ROR2: variants seen among roughly 807,000 people sequenced by gnomAD.
The protein encoded by ROR2 is ROR family WNT receptor 2, also known as tyrosine-protein kinase transmembrane receptor ROR2.
Under a neutral mutation model 74.9 loss-of-function variants are expected in ROR2, and 33 were observed. The observed-to-expected ratio is 0.44, with a 90% CI of 0.33 to 0.59. The LOEUF (loss-of-function observed/expected upper bound fraction) is 0.59, where lower values mean the gene tolerates loss of function less well. ROR2 is among the 20% of genes least tolerant of loss of function. ROR2 has a pLI of 0.02. For missense variants in ROR2, 1,216 were observed against 1,313.8 expected, an observed-to-expected ratio of 0.93 and a Z score of 1.15; for synonymous variants, 586 against 558.7, an observed-to-expected ratio of 1.05 and a Z score of -0.69.
chr9:91,726,899 A>G (rs1259987501), intron 7 of ROR2, among the ~76,000 whole-genome samples, 156 bp from the exon 8 acceptor site: 1 of 152,182 alleles, frequency 6.6e-6, no homozygotes, highest in Non-Finnish European at 1.5e-5. Flanking sequence ...ACCACACCTT[A>G]AAAAACATGA....
At chr9:91,913,638 A>C (rs1170353837) in intron 1 of ROR2, among the ~76,000 whole-genome samples, 1 of 152,152 alleles carries the variant, frequency 6.6e-6, no homozygotes, top group Non-Finnish European at 1.5e-5. Context: ...TTCAACCTCT[A>C]ATGGATTTAC....
rs549465954 is a variant in ROR2, at chr9:91,882,529, A to AC, written c.97+67337dup. ...AATGCTGAACGAAAAAATATATACA[A>AC]CAAGCCTCCACTTATCAAAAGGTCA... On this transcript the variant is annotated intron_variant, in intron 1 of 8. Coordinates refer to ENST00000375708, the MANE Select transcript of ROR2 (RefSeq NM_004560.4). Among the ~76,000 whole-genome samples, 66 of 152,244 alleles carry AC rather than the reference A, an allele frequency of 4.3e-4. No homozygotes were observed. The South Asian group carries it at 0.014, about 32-fold the overall frequency.
chr9:91,863,420 C>G (rs1441486227), intron 1 of ROR2, among the ~76,000 whole-genome samples: 1 of 151,986 alleles, frequency 6.6e-6, no homozygotes. Flanking sequence ...GAGCATTATT[C>G]ATAATAGCCA....
chr9:91,742,964 G>A (rs1825297464), intron 4 of ROR2, among the ~76,000 whole-genome samples: 1 of 152,178 alleles, frequency 6.6e-6, no homozygotes, highest in Non-Finnish European at 1.5e-5. Flanking sequence ...ACAGTATTCA[G>A]TATAGTCATA....
Position 91,949,912 on chromosome 9 carries a change from C to A in ROR2, c.52G>T (p.Val18Phe). The A allele has an allele frequency of 3.2e-6, 5 of 1,539,444 alleles. No individual in the cohort carries two copies. Among genetic ancestry groups the A allele is most frequent in the Non-Finnish European group, 4.4e-6 (5 of 1,142,888 alleles). Reference sequence around the variant, plus strand: ...AGCAGAAGCGCGGCGGCCGCCCAGACGGCCGGGATGCACAGCAGCGGCCGC... The same window carrying A: ...AGCAGAAGCGCGGCGGCCGCCCAGAAGGCCGGGATGCACAGCAGCGGCCGC... ...PRRPLLCIPA[V>F]WAAAALLLSV... The change falls in exon 1 of 9, where the codon GTC becomes TTC. Residue 18 changes from valine (V) to phenylalanine (F), a missense_variant. Transcript: ENST00000375708.
intron 2 of ROR2, among the ~76,000 whole-genome samples, chr9:91,766,195 T>C (rs1016160772): frequency 5.3e-5 from 8 of 152,220 alleles, no homozygotes; most frequent in African/African-American, 1.4e-4. Flanking sequence ...ACACCACTTT[T>C]CACTGTTGGT....
chr9:91,740,609 A>G (rs548667956), intron 4 of ROR2, among the ~76,000 whole-genome samples: 40 of 151,712 alleles, frequency 2.6e-4, no homozygotes, highest in African/African-American at 9.0e-4. Context: ...TATCCCCAAA[A>G]AGCCAGATAG....
intron 4 of ROR2, among the ~76,000 whole-genome samples, chr9:91,743,115 G>GT (rs1170393407): frequency 6.6e-6 from 1 of 152,088 alleles, no homozygotes; most frequent in Non-Finnish European, 1.5e-5. Context: ...TTCTCACAAC[G>GT]TATCTCCACT....
intron 4 of ROR2, among the ~76,000 whole-genome samples, chr9:91,754,832 T>C (rs757029581): frequency 6.6e-6 from 1 of 152,214 alleles, no homozygotes; most frequent in Non-Finnish European, 1.5e-5. Context: ...TCCATCACTA[T>C]TGCTCAGCAC....
intron 2 of ROR2, 50 bp downstream of exon 2, chr9:91,775,691 A>G (rs200763089): frequency 6.9e-5 from 107 of 1,558,422 alleles, no homozygotes; most frequent in Admixed American, 3.3e-5. Context: ...GATGAGCCTC[A>G]GCACAGGGCA....
chr9:91,855,341 T>A (rs1829245339), intron 1 of ROR2, among the ~76,000 whole-genome samples: 1 of 152,204 alleles, frequency 6.6e-6, no homozygotes, highest in South Asian at 2.1e-4. Flanking sequence ...TGAGCGTGCA[T>A]GACAAGTGCT....
chr9:91,858,019 A>G (rs1800024530), intron 1 of ROR2, among the ~76,000 whole-genome samples: 2 of 152,190 alleles, frequency 1.3e-5, no homozygotes, highest in African/African-American at 4.8e-5. Flanking sequence ...CCAGCAAATA[A>G]AAACCAAGGC....
chr9:91,947,690 A>T (rs150474197), intron 1 of ROR2, among the ~76,000 whole-genome samples: 2,322 of 152,298 alleles, frequency 0.015, 60 homozygotes, highest in African/African-American at 0.053. Context: ...GTCCCAAATC[A>T]GTATTTGTCA....
intron 1 of ROR2, among the ~76,000 whole-genome samples, chr9:91,887,784 TTC>T (rs1403336947): frequency 1.6e-5 from 2 of 121,344 alleles, no homozygotes; most frequent in Admixed American, 9.6e-5. Flanking sequence ...AACACTTTTT[TTC>T]TCTTTTTTTT....
chr9:91,945,767 C>A (rs1277633980), intron 1 of ROR2, among the ~76,000 whole-genome samples: 1 of 152,174 alleles, frequency 6.6e-6, no homozygotes, highest in Non-Finnish European at 1.5e-5. Context: ...TTCAACAATT[C>A]TTTGGCCACT....
chr9:91,817,903 G>A (rs1207340802), intron 1 of ROR2, among the ~76,000 whole-genome samples: 2 of 152,126 alleles, frequency 1.3e-5, no homozygotes, highest in African/African-American at 4.8e-5. Flanking sequence ...AGCGTCTCCA[G>A]CTTTTGTTTA....
intron 4 of ROR2, among the ~76,000 whole-genome samples, chr9:91,742,143 A>C (rs1006541260): frequency 4.6e-5 from 7 of 152,182 alleles, no homozygotes; most frequent in African/African-American, 1.7e-4. Context: ...CACTTCTTAC[A>C]TTGGCAGCGG....
chr9:91,839,496 C>A (rs1213615534), intron 1 of ROR2, among the ~76,000 whole-genome samples: 1 of 150,614 alleles, frequency 6.6e-6, no homozygotes, highest in Non-Finnish European at 1.5e-5. Flanking sequence ...TATGTGTGCA[C>A]ATGCTGTGGG....
chr9:91,807,974 G>A (rs944939936), intron 1 of ROR2, among the ~76,000 whole-genome samples: 5 of 152,056 alleles, frequency 3.3e-5, no homozygotes, highest in Admixed American at 6.6e-5. Flanking sequence ...GGGCTAGCTC[G>A]GTCGCAAGCC....
Sources: allele counts gnomAD v4.1 joint callset (sites outside exome capture counted in the v4.1 genomes callset), GRCh38; gene constraint gnomAD v4.1.1; transcripts MANE v1.5; gene names NCBI Gene and HGNC (gene_info 2026-07-23, HGNC 2026-07-21).